The following COQ7 variants were observed in gnomAD, a reference collection of about 807,000 sequenced individuals.
The protein encoded by COQ7 is coenzyme Q7, hydroxylase.
A neutral mutation model predicts 25.0 loss-of-function variants in COQ7; 21 were observed. The observed-to-expected ratio is 0.84, with a 90% CI of 0.60 to 1.21. The LOEUF is 1.21. Among genes scored for constraint, COQ7 ranks in the 50% most tolerant of loss-of-function variants. COQ7 has a pLI of 0.00. For missense variants in COQ7, 311 were observed against 296.2 expected, an observed-to-expected ratio of 1.05 and a Z score of -0.37; for synonymous variants, 125 against 112.4, an observed-to-expected ratio of 1.11 and a Z score of -0.71.
intron 2 of COQ7, among the ~76,000 whole-genome samples, chr16:19,073,177 T>G (rs1340330906): frequency 6.6e-6 from 1 of 151,910 alleles, no homozygotes; most frequent in Admixed American, 6.6e-5. Flanking sequence ...GGCATGGTGG[T>G]GCATGCCTGT....
In COQ7 at chr16:19,078,064, C is replaced by T; in HGVS notation, c.577-17C>T. ...AGCACATAACATGTTTCTTTGTTTGCTTATTGTTTTTAACAGGCTCCAGCC... is the reference window on the plus strand; with the variant it reads ...AGCACATAACATGTTTCTTTGTTTGTTTATTGTTTTTAACAGGCTCCAGCC... On this transcript the variant is annotated splice_polypyrimidine_tract_variant and intron_variant, in intron 5 of 5. Transcript: ENST00000321998. The T allele has an allele frequency of 1.3e-6, 2 of 1,580,832 alleles. No individual in the cohort carries two copies. Among genetic ancestry groups the T allele is most frequent in the East Asian group, 2.3e-5 (1 of 42,860 alleles).
Position 19,068,886 on chromosome 16 carries a change from A to G in COQ7, c.73+1149A>G, listed in dbSNP as rs1369173990. ...GCCACTTGCCACAAATGGGTGAGTA[A>G]TCATTAAAAAAAAACAAACAAATTA... On this transcript the variant is annotated intron_variant, in intron 1 of 5. Transcript: ENST00000321998. 8.1e-6 allele frequency: 3 copies of G among 370,394 alleles called. No homozygotes were observed. In the Admixed American group the frequency reaches 9.7e-5, roughly 12 times the overall value. The allele number at this position is 370,394 out of a possible 1,614,324, so 22.9% of individuals were successfully genotyped here.
At chr16:19,081,258 G>A (rs570311680), downstream of COQ7, among the ~76,000 whole-genome samples, 86 of 152,284 alleles carry the variant, frequency 5.6e-4, no homozygotes, top group African/African-American at 1.8e-3. Flanking sequence ...TTATGGCAAT[G>A]TAGTTATTTG....
chr16:19,076,872 G>A (rs150726087), intron 4 of COQ7, among the ~76,000 whole-genome samples: 53 of 152,270 alleles, frequency 3.5e-4, no homozygotes, highest in African/African-American at 1.2e-3. Flanking sequence ...GATTGCAGGC[G>A]TGAGCCACCG....
At chr16:19,070,470 C>A (rs1000039983) in intron 1 of COQ7, among the ~76,000 whole-genome samples, 16 of 152,020 alleles carry the variant, frequency 1.1e-4, no homozygotes, top group Non-Finnish European at 2.1e-4. Flanking sequence ...TGGTGGCTCA[C>A]GCCTGTAATC....
chr16:19,075,978 T>G, intron 4 of COQ7, 118 bp downstream of exon 4: 1 of 1,317,792 alleles, frequency 7.6e-7, no homozygotes, highest in Middle Eastern at 1.9e-4. Flanking sequence ...GAGGCTCAGG[T>G]CAGTGCCTCA....
intron 2 of COQ7, 180 bp downstream of exon 2, chr16:19,072,286 A>C: frequency 1.5e-6 from 1 of 661,188 alleles, no homozygotes; most frequent in Non-Finnish European, 2.5e-6. Context: ...TTTATGGATA[A>C]AGCACAGAGA....
intron 1 of COQ7, among the ~76,000 whole-genome samples, chr16:19,071,001 T>G (rs1962528231): frequency 1.3e-5 from 2 of 152,254 alleles, no homozygotes; most frequent in Admixed American, 1.3e-4. Flanking sequence ...TCATGAAGAA[T>G]TTACATTTTG....
chr16:19,067,629 C>A lies in COQ7; in HGVS notation c.-36C>A, dbSNP rs776108097. On this transcript the variant is annotated 5_prime_UTR_variant, in exon 1 of 6. Transcript: ENST00000321998. The stretch of plus-strand genomic sequence containing the variant: ...AGCCAAGGGCACTATTGGCCAGTTC[C>A]GTTCAACGAAGTGGTTGCTTTTTTT... 1.9e-6 allele frequency: 3 copies of A among 1,613,022 alleles called. No individual in the cohort carries two copies. Among genetic ancestry groups the A allele is most frequent in the South Asian group, 2.2e-5 (2 of 91,038 alleles).
At position 19,073,733 on chromosome 16, in the gene COQ7, C is replaced by T. The variant is rs189505283; in HGVS notation, c.253-188C>T. ...AATAGACTGTTTTGTATTCTTGGTG[C>T]TCTCTTCTCTTTGTCACAGATTCCT... On this transcript the variant is annotated intron_variant, in intron 2 of 5. Coordinates refer to ENST00000321998, the MANE Select transcript of COQ7 (RefSeq NM_016138.5). 1.4e-4 allele frequency among the ~76,000 whole-genome samples: 22 copies of T among 152,234 alleles called. 1 individual carries two copies. Among genetic ancestry groups the T allele is most frequent in the Admixed American group, 7.2e-4 (11 of 15,278 alleles).
At chr16:19,071,787 A>T in intron 1 of COQ7, 141 bp from the exon 2 acceptor site, 2 of 827,716 alleles carry the variant, frequency 2.4e-6, no homozygotes, top group Non-Finnish European at 3.9e-6. Context: ...ACTGTAGGTT[A>T]AACAGAGTCC....
chr16:19,069,690 C>T (rs779000527), intron 1 of COQ7, among the ~76,000 whole-genome samples: 19 of 151,996 alleles, frequency 1.3e-4, no homozygotes, highest in Non-Finnish European at 2.2e-4. Context: ...GGATTACAGG[C>T]GTGAGTCGCC....
At chr16:19,069,556 A>T (rs902086411) in intron 1 of COQ7, among the ~76,000 whole-genome samples, 1 of 151,748 alleles carries the variant, frequency 6.6e-6, no homozygotes, top group Non-Finnish European at 1.5e-5. Context: ...GGCTGCATGC[A>T]TGCACCACCA....
intron 3 of COQ7, among the ~76,000 whole-genome samples, chr16:19,075,348 G>A (rs974972716): frequency 6.6e-6 from 1 of 151,808 alleles, no homozygotes; most frequent in African/African-American, 2.4e-5. Context: ...GATTACAGGC[G>A]CCCACCACCA....
intron 1 of COQ7, among the ~76,000 whole-genome samples, chr16:19,070,304 C>T (rs1029810734): frequency 1.3e-5 from 2 of 152,242 alleles, no homozygotes; most frequent in Non-Finnish European, 2.9e-5. Context: ...AAGCCTTTGT[C>T]ATGAAAGAAC....
downstream of COQ7, among the ~76,000 whole-genome samples, chr16:19,080,969 G>T (rs1298105702): frequency 6.6e-6 from 1 of 152,026 alleles, no homozygotes; most frequent in Non-Finnish European, 1.5e-5. Flanking sequence ...TTAGAATAAA[G>T]GAAAAACATT....
At chr16:19,077,163 A>G (rs1351281946) in intron 4 of COQ7, 143 bp from the exon 5 acceptor site, 2 of 641,420 alleles carry the variant, frequency 3.1e-6, no homozygotes, top group East Asian at 2.7e-5. Context: ...TAGTTGCAAC[A>G]AAGTATTTAC....
At position 19,078,892 on chromosome 16, in the gene COQ7, T is replaced by C. The variant is rs1962997567; in HGVS notation, c.*734T>C. 6.6e-6 allele frequency: 1 copy of C among 152,136 alleles called. No homozygotes were observed. The highest frequency in any genetic ancestry group is 1.5e-5 in the Non-Finnish European group (1 of 68,010). The allele number at this position is 152,136 out of a possible 1,614,324, so 9.4% of individuals were successfully genotyped here. On this transcript the variant is annotated 3_prime_UTR_variant, in exon 6 of 6. Coordinates refer to ENST00000321998, the MANE Select transcript of COQ7 (RefSeq NM_016138.5). Reference sequence around the variant, plus strand: ...AGATTGGCCAAGCAGAACTATGAAGTCCATCAAGTAAGTCAAAGATCATCG... The same window carrying C: ...AGATTGGCCAAGCAGAACTATGAAGCCCATCAAGTAAGTCAAAGATCATCG...
chr16:19,081,955 A>G (rs551847816), downstream of COQ7, among the ~76,000 whole-genome samples: 1 of 152,266 alleles, frequency 6.6e-6, no homozygotes, highest in Non-Finnish European at 1.5e-5. Flanking sequence ...GAGGAGGCGG[A>G]GGTTGCCGTG....
Sources: allele counts gnomAD v4.1 joint callset (sites outside exome capture counted in the v4.1 genomes callset), GRCh38; gene constraint gnomAD v4.1.1; transcripts MANE v1.5; gene names NCBI Gene and HGNC (gene_info 2026-07-23, HGNC 2026-07-21).